Variants in SLC22A15 observed in about 807,000 individuals in gnomAD.
SLC22A15 encodes the protein flipt 1.
In SLC22A15, 45 loss-of-function variants were observed where a neutral mutation model predicts 62.7. That is an observed-to-expected ratio of 0.72 (90% CI 0.56 to 0.92). SLC22A15 has a LOEUF of 0.92. Ranked by LOEUF, SLC22A15 falls within the 40% of genes least tolerant of loss-of-function variation. The probability of loss-of-function intolerance (pLI) is 0.00; values close to 1 mark genes in which losing one functional copy is unlikely to be tolerated. For missense variants in SLC22A15, 622 were observed against 665.6 expected, an observed-to-expected ratio of 0.93 and a Z score of 0.72; for synonymous variants, 264 against 267.0, an observed-to-expected ratio of 0.99 and a Z score of 0.11.
At chr1:116,026,422 T>C (rs1657093767) in intron 4 of SLC22A15, among the ~76,000 whole-genome samples, 1 of 148,798 alleles carries the variant, frequency 6.7e-6, no homozygotes, top group African/African-American at 2.5e-5. Context: ...CGAGATTCTG[T>C]CTCAAAAAAA....
In SLC22A15 at chr1:116,027,108, C is replaced by T. The variant is rs554578294; in HGVS notation, c.728+86C>T. 12 of 1,326,370 alleles carry T rather than the reference C, an allele frequency of 9.0e-6. No individual in the cohort carries two copies. In the East Asian group the frequency reaches 2.1e-4, roughly 23 times the overall value. 82.2% of individuals were successfully genotyped at this position (1,326,370 alleles called of 1,614,324 possible). A position where few individuals can be genotyped will look rare whatever the true frequency, so the allele number is the denominator to read the frequency against. Reference sequence around the variant, plus strand: ...TGTGGGTCAATGAGCAGCATTATTCCCTTTCAGGAGCTTGCCTGCACTGAC... The same window carrying T: ...TGTGGGTCAATGAGCAGCATTATTCTCTTTCAGGAGCTTGCCTGCACTGAC... On this transcript the variant is annotated intron_variant, in intron 5 of 11. Coordinates refer to ENST00000369503, the MANE Select transcript of SLC22A15 (RefSeq NM_018420.3).
In SLC22A15 at chr1:116,012,123, G is replaced by A. The variant is rs572380212; in HGVS notation, c.301-7459G>A. Reference sequence around the variant, plus strand: ...TTCATTAGAGTGGTTTGTGATTATAGCATGTTTTTCAACTATTATTCCATG... The same window carrying A: ...TTCATTAGAGTGGTTTGTGATTATAACATGTTTTTCAACTATTATTCCATG... On this transcript the variant is annotated intron_variant, in intron 2 of 11. Coordinates refer to ENST00000369503, the MANE Select transcript of SLC22A15 (RefSeq NM_018420.3). 8.7e-4 allele frequency among the ~76,000 whole-genome samples: 132 copies of A among 152,184 alleles called. 1 individual carries two copies. Among genetic ancestry groups the A allele is most frequent in the Middle Eastern group, 3.4e-3 (1 of 294 alleles).
chr1:116,043,139 A>G (rs546516247), intron 8 of SLC22A15, among the ~76,000 whole-genome samples: 4 of 152,246 alleles, frequency 2.6e-5, no homozygotes, highest in Admixed American at 1.3e-4. Context: ...AATATACTGT[A>G]TCAGCCCGGC....
chr1:116,009,388 A>G (rs1468424985), intron 2 of SLC22A15, among the ~76,000 whole-genome samples: 1 of 148,784 alleles, frequency 6.7e-6, no homozygotes, highest in Admixed American at 6.6e-5. Flanking sequence ...TGCTGTTCCA[A>G]GTGCTGGTGT....
intron 4 of SLC22A15, among the ~76,000 whole-genome samples, chr1:116,021,266 A>T (rs1012720424): frequency 2.0e-5 from 3 of 152,132 alleles, no homozygotes; most frequent in African/African-American, 7.2e-5. Context: ...AGTTTATTAA[A>T]TTTTTGTTTC....
chr1:116,062,267 A>G (rs1038062568), intron 8 of SLC22A15, among the ~76,000 whole-genome samples: 1 of 152,186 alleles, frequency 6.6e-6, no homozygotes, highest in Admixed American at 6.5e-5. Context: ...ATTGAATGGC[A>G]TTGTTCCTTA....
intron 8 of SLC22A15, among the ~76,000 whole-genome samples, chr1:116,057,585 CT>C (rs1658249379): frequency 6.6e-6 from 1 of 152,188 alleles, no homozygotes. Flanking sequence ...ATAAATCATG[CT>C]GCTATAAAGA....
chr1:116,020,893 T>C lies in SLC22A15; in HGVS notation c.598+8T>C, dbSNP rs1171313606. The C allele has an allele frequency of 6.2e-7, 1 of 1,609,720 alleles. No individual in the cohort carries two copies. The highest frequency in any genetic ancestry group is 1.7e-5 in the Admixed American group (1 of 59,478). On this transcript the variant is annotated splice_region_variant and intron_variant, in intron 4 of 11. Transcript: ENST00000369503. ...CCTACTGGGCACTTGCAGGTACTAC[T>C]TAAATCATGCAGCTCTGGACTGGGT...
chr1:116,024,571 C>G (rs1460978037), intron 4 of SLC22A15, among the ~76,000 whole-genome samples: 1 of 151,986 alleles, frequency 6.6e-6, no homozygotes, highest in Non-Finnish European at 1.5e-5. Flanking sequence ...TAACATAGAG[C>G]CTTATTATAT....
At chr1:116,035,120 A>G in intron 6 of SLC22A15, 67 bp from the exon 7 acceptor site, 2 of 1,513,656 alleles carry the variant, frequency 1.3e-6, no homozygotes, top group Non-Finnish European at 1.8e-6. Context: ...CCTCTGGCAA[A>G]TTCTTATGTA....
At chr1:116,047,724 C>A (rs1657963683) in intron 8 of SLC22A15, among the ~76,000 whole-genome samples, 1 of 152,288 alleles carries the variant, frequency 6.6e-6, no homozygotes, top group African/African-American at 2.4e-5. Context: ...ACAAAAGAAT[C>A]TGAACAGCAG....
intron 8 of SLC22A15, among the ~76,000 whole-genome samples, chr1:116,053,554 C>T (rs912392810): frequency 5.9e-5 from 9 of 152,124 alleles, no homozygotes; most frequent in East Asian, 3.9e-4. Context: ...ATACAGAGAA[C>T]GCCACTAAAA....
chr1:116,068,980 A>G lies in SLC22A15; in HGVS notation c.*1872A>G, dbSNP rs967604341. On this transcript the variant is annotated 3_prime_UTR_variant, in exon 12 of 12. Transcript: ENST00000369503. ...TTGGAAACTATAAATTTAGAAACGT[A>G]TCACCCATACGTCCAACATCGAAAG... 4.6e-5 allele frequency: 7 copies of G among 152,222 alleles called. No homozygotes were observed. Among genetic ancestry groups the G allele is most frequent in the Non-Finnish European group, 2.9e-5 (2 of 68,040 alleles). The allele number at this position is 152,222 out of a possible 1,614,324, so 9.4% of individuals were successfully genotyped here.
rs759803043 is a variant in SLC22A15, at chr1:115,976,617, C to T, written c.-11C>T. 2.6e-6 allele frequency: 4 copies of T among 1,565,304 alleles called. No individual in the cohort carries two copies. In the Admixed American group the frequency reaches 5.3e-5, roughly 21 times the overall value. On this transcript the variant is annotated 5_prime_UTR_variant, in exon 1 of 12. Transcript: ENST00000369503. ...GCGGTGGGGTGGCGGGGTTCCTGCG[C>T]GCGGCCCGCCATGGAGGTGGAGGAG...
intron 1 of SLC22A15, among the ~76,000 whole-genome samples, chr1:115,984,082 G>C (rs1249233000): frequency 1.3e-5 from 2 of 152,128 alleles, no homozygotes; most frequent in African/African-American, 4.8e-5. Context: ...TAAAACATTT[G>C]AATTGATTTT....
At chr1:115,996,701 C>A (rs371167884) in intron 2 of SLC22A15, among the ~76,000 whole-genome samples, 1 of 40,690 alleles carries the variant, frequency 2.5e-5, no homozygotes, top group Non-Finnish European at 1.1e-4. Flanking sequence ...ATCTTGTATC[C>A]TTTGATCTTA....
At chr1:115,976,767 C>A in intron 1 of SLC22A15, 53 bp downstream of exon 1, 1 of 1,396,780 alleles carries the variant, frequency 7.2e-7, no homozygotes, top group Non-Finnish European at 9.9e-7. Context: ...CCGCCCGGCG[C>A]AGGGCTAGGC....
intron 10 of SLC22A15, among the ~76,000 whole-genome samples, 173 bp downstream of exon 10, chr1:116,064,681 T>C (rs1658457319): frequency 6.6e-6 from 1 of 152,180 alleles, no homozygotes; most frequent in Non-Finnish European, 1.5e-5. Flanking sequence ...TTATCGAGGA[T>C]TCATTTGCCT....
At position 115,976,721 on chromosome 1, in the gene SLC22A15, C is replaced by G; in HGVS notation, c.87+7C>G. ...GCTGGCCGTGCTGCTGCAGGTAAGTCCCCGCGGCCCCGCAGCCGCATTTCC... is the reference window on the plus strand; with the variant it reads ...GCTGGCCGTGCTGCTGCAGGTAAGTGCCCGCGGCCCCGCAGCCGCATTTCC... On this transcript the variant is annotated splice_region_variant and intron_variant, in intron 1 of 11. Transcript: ENST00000369503. The G allele has an allele frequency of 3.2e-6, 5 of 1,574,286 alleles. No homozygotes were observed. Among genetic ancestry groups the G allele is most frequent in the Non-Finnish European group, 4.3e-6 (5 of 1,161,502 alleles).
Sources: allele counts gnomAD v4.1 joint callset (sites outside exome capture counted in the v4.1 genomes callset), GRCh38; gene constraint gnomAD v4.1.1; transcripts MANE v1.5; gene names NCBI Gene and HGNC (gene_info 2026-07-23, HGNC 2026-07-21).